MYH14: variants seen among roughly 807,000 people sequenced by gnomAD.
MYH14 encodes the protein myosin-14.
MYH14 carries 123 observed loss-of-function variants against 255.5 expected under a neutral mutation model. The observed-to-expected ratio is 0.48, with a 90% CI of 0.42 to 0.56. The LOEUF is 0.56. Among genes scored for constraint, MYH14 ranks in the 20% least tolerant of loss-of-function variants. MYH14 has a pLI of 0.00. For missense variants in MYH14, 2,423 were observed against 2,802.3 expected, an observed-to-expected ratio of 0.86 and a Z score of 3.06; for synonymous variants, 1,095 against 1,161.2, an observed-to-expected ratio of 0.94 and a Z score of 1.16.
chr19:50,257,600 C>T, intron 18 of MYH14, 114 bp downstream of exon 18: 1 of 1,094,328 alleles, frequency 9.1e-7, no homozygotes, highest in South Asian at 1.4e-5. Context: ...AGCTGTGTGG[C>T]TTTGAGCAAA....
rs1323287161 is a variant in MYH14 at position 50,297,489 on chromosome 19, CTCTT to C, written c.5469+3804_5469+3807del. On this transcript the variant is annotated intron_variant, in intron 39 of 42. Transcript: ENST00000642316. ...CATCTTTGTGGCTCTGTCTCATCTC[CTCTT>C]TTTTTTTTTTTTTTTTTTTTTGAGA... Among the ~76,000 whole-genome samples, 231 of 54,976 alleles carry C rather than the reference CTCTT, an allele frequency of 4.2e-3. 1 individual carries two copies. The highest frequency in any genetic ancestry group is 9.3e-3 in the African/African-American group (224 of 24,202). 36.1% of individuals were successfully genotyped at this position (54,976 alleles called of 152,430 possible). A position where few individuals can be genotyped will look rare whatever the true frequency, so the allele number is the denominator to read the frequency against.
At position 50,276,104 on chromosome 19, in the gene MYH14, A is replaced by T. The variant is rs762566788; in HGVS notation, c.3581A>T (p.Lys1194Met). 6.2e-7 allele frequency: 1 copy of T among 1,607,030 alleles called. No homozygotes were observed. Among genetic ancestry groups the T allele is most frequent in the Non-Finnish European group, 8.5e-7 (1 of 1,177,502 alleles). The change falls in exon 28 of 43, where the codon AAG becomes ATG. Residue 1194 changes from lysine (K) to methionine (M), a missense_variant. Coordinates refer to ENST00000642316, the MANE Select transcript of MYH14 (RefSeq NM_001145809.2). This position sits in a 1 kb window ranked among gnomAD's most constrained non-coding sequence, Gnocchi z 4.3. ...GAGTCTGAGCGTGTGGCCAGGACCA[A>T]GGCGGAGAAGCAGCGCCGGGACCTG... Reference protein sequence around the residue: ...DLESERVARTKAEKQRRDLGE... With the variant: ...DLESERVARTMAEKQRRDLGE...
intron 15 of MYH14, among the ~76,000 whole-genome samples, chr19:50,251,641 G>C (rs150954312): frequency 0.044 from 6,720 of 151,376 alleles, 267 homozygotes; most frequent in Admixed American, 0.11. Flanking sequence ...GCAGTGGCAC[G>C]ATCTCGGCTC....
At chr19:50,291,444 G>T (rs2036073532) in intron 36 of MYH14, among the ~76,000 whole-genome samples, 2 of 152,054 alleles carry the variant, frequency 1.3e-5, no homozygotes, top group Non-Finnish European at 2.9e-5. Flanking sequence ...GGGATTACAG[G>T]CGTGCGCCAT....
At chr19:50,303,349 A>G (rs1203838256) in intron 40 of MYH14, among the ~76,000 whole-genome samples, 1 of 152,010 alleles carries the variant, frequency 6.6e-6, no homozygotes, top group Non-Finnish European at 1.5e-5. Flanking sequence ...TCTCTGCTCT[A>G]TGTGGCCTCT....
In MYH14 at chr19:50,222,154, C is replaced by A. The variant is rs1366032432; in HGVS notation, c.563-929C>A. On this transcript the variant is annotated intron_variant, in intron 3 of 42. Transcript: ENST00000642316. ...CCAGACATTGCCAGGTGTCTCCTGG[C>A]GGGAATGGAGGACATAATTACCCCC... 2.0e-5 allele frequency among the ~76,000 whole-genome samples: 3 copies of A among 152,202 alleles called. No homozygotes were observed. In the South Asian group the frequency reaches 6.2e-4, roughly 32 times the overall value.
chr19:50,307,179 G>A, intron 41 of MYH14, 22 bp downstream of exon 41: 1 of 1,428,770 alleles, frequency 7.0e-7, no homozygotes, highest in Non-Finnish European at 9.6e-7. Flanking sequence ...GCATCATTAG[G>A]GAGCAGTGGA....
intron 2 of MYH14, among the ~76,000 whole-genome samples, chr19:50,214,665 A>G (rs1386710750): frequency 6.6e-6 from 1 of 152,128 alleles, no homozygotes; most frequent in East Asian, 1.9e-4. Context: ...CTGCATCTGA[A>G]TTTGAACACT....
intron 16 of MYH14, among the ~76,000 whole-genome samples, chr19:50,253,168 A>G (rs1006884244): frequency 6.6e-6 from 1 of 152,192 alleles, no homozygotes; most frequent in African/African-American, 2.4e-5. Context: ...TTGGCTGGGC[A>G]TGGTGGCTCA....
At chr19:50,237,824 C>A (rs1458965649) in intron 10 of MYH14, among the ~76,000 whole-genome samples, 1 of 152,180 alleles carries the variant, frequency 6.6e-6, no homozygotes, top group Non-Finnish European at 1.5e-5. Context: ...GTTTTGCTTA[C>A]AAGGAGTGGA....
intron 12 of MYH14, among the ~76,000 whole-genome samples, 185 bp from the exon 13 acceptor site, chr19:50,248,802 G>GCGC (rs1006285686): frequency 6.6e-6 from 1 of 152,240 alleles, no homozygotes; most frequent in African/African-American, 2.4e-5. Context: ...AGTACCTGGT[G>GCGC]CGCAGTAGGA....
At chr19:50,209,174 G>A (rs2032006639) in intron 1 of MYH14, among the ~76,000 whole-genome samples, 1 of 152,120 alleles carries the variant, frequency 6.6e-6, no homozygotes, top group African/African-American at 2.4e-5. Flanking sequence ...AAATAAAATA[G>A]ATTGAATTTA....
chr19:50,242,298 C>T (rs1018468381), intron 10 of MYH14, among the ~76,000 whole-genome samples: 3 of 152,172 alleles, frequency 2.0e-5, no homozygotes, highest in African/African-American at 7.2e-5. Flanking sequence ...ATTAGTCATG[C>T]TGCTGATAAA....
At chr19:50,253,966 C>T (rs1231366994) in intron 16 of MYH14, among the ~76,000 whole-genome samples, 1 of 152,192 alleles carries the variant, frequency 6.6e-6, no homozygotes, top group East Asian at 1.9e-4. Flanking sequence ...GCCTGTAATC[C>T]CAGCACTTTG....
At chr19:50,227,091 A>G in intron 8 of MYH14, 125 bp downstream of exon 8, 1 of 467,822 alleles carries the variant, frequency 2.1e-6, no homozygotes, top group Non-Finnish European at 4.3e-6. Flanking sequence ...CCTGATGCTC[A>G]GGCGGCATCT....
At chr19:50,285,994 T>C (rs1311329870) in intron 33 of MYH14, 2 of 152,566 alleles carry the variant, frequency 1.3e-5, no homozygotes, top group Non-Finnish European at 2.9e-5. Context: ...CTTCACCCAT[T>C]GTATCTGTCT....
Position 50,230,599 on chromosome 19 carries a change from G to C in MYH14, c.949G>C (p.Gly317Arg), listed in dbSNP as rs727503222. The change falls in exon 9 of 43, where the codon GGG becomes CGG. Residue 317 changes from glycine (G) to arginine (R), a missense_variant. Around this residue, in one of 3 missense-constraint regions of MYH14, gnomAD observed 672 missense variants for 881.8 expected, o/e 0.76. Transcript: ENST00000642316. The surrounding 1 kb of genome is among the most constrained non-coding windows in gnomAD (Gnocchi z 4.7). ...CSFHIFYQLL[G>R]GAGEQLKADL... ...CTTCCACATCTTCTACCAGCTGCTG[G>C]GGGGCGCTGGAGAGCAGCTCAAAGG... 6.4e-7 allele frequency: 1 copy of C among 1,566,416 alleles called. No homozygotes were observed. Among genetic ancestry groups the C allele is most frequent in the South Asian group, 1.2e-5 (1 of 84,836 alleles).
chr19:50,274,124 G>C (rs1281933419), intron 27 of MYH14, among the ~76,000 whole-genome samples: 1 of 152,164 alleles, frequency 6.6e-6, no homozygotes, highest in African/African-American at 2.4e-5. Context: ...CGCATACCCT[G>C]AGCCCTCAAT....
Position 50,230,901 on chromosome 19 carries a change from G to C in MYH14, c.973+278G>C. ...CGCCTGGTGGCTCCTGCTCACGCTCGCTTCCGAAGCTCCGTGGCTTCTCTC... is the reference window on the plus strand; with the variant it reads ...CGCCTGGTGGCTCCTGCTCACGCTCCCTTCCGAAGCTCCGTGGCTTCTCTC... On this transcript the variant is annotated intron_variant, in intron 9 of 42. Coordinates refer to ENST00000642316, the MANE Select transcript of MYH14 (RefSeq NM_001145809.2). The surrounding 1 kb of genome is among the most constrained non-coding windows in gnomAD (Gnocchi z 4.7). 1 of 448,096 alleles carries C rather than the reference G, an allele frequency of 2.2e-6. No homozygotes were observed. The highest frequency in any genetic ancestry group is 4.1e-6 in the Non-Finnish European group (1 of 245,154). The allele number at this position is 448,096 out of a possible 1,614,324, so 27.8% of individuals were successfully genotyped here.
Sources: allele counts gnomAD v4.1 joint callset (sites outside exome capture counted in the v4.1 genomes callset), GRCh38; gene constraint gnomAD v4.1.1; regional missense constraint gnomAD v4.1.1; non-coding constraint Gnocchi (gnomAD v3.1); transcripts MANE v1.5; gene names NCBI Gene and HGNC (gene_info 2026-07-23, HGNC 2026-07-21).